The following TLK1 variants were observed in gnomAD, a reference collection of about 807,000 sequenced individuals.
TLK1 encodes the protein serine/threonine-protein kinase tousled-like 1.
In TLK1, 24 loss-of-function variants were observed where a neutral mutation model predicts 105.3. The observed-to-expected ratio is 0.23, with a 90% CI of 0.17 to 0.32. TLK1 has a LOEUF of 0.32. TLK1 is among the 10% of genes least tolerant of loss of function. TLK1 has a pLI of 1.00. For synonymous variants in TLK1, 321 were observed against 310.4 expected, an observed-to-expected ratio of 1.03 and a Z score of -0.36; for missense variants, 558 against 910.5, an observed-to-expected ratio of 0.61 and a Z score of 4.98.
chr2:171,187,253 A>G (rs1693049808), intron 1 of TLK1, among the ~76,000 whole-genome samples: 1 of 151,994 alleles, frequency 6.6e-6, no homozygotes, highest in South Asian at 2.1e-4. Context: ...GCATTTTGGC[A>G]TCCACTCCTA....
chr2:171,045,684 T>C (rs1686929445), intron 11 of TLK1: 1 of 152,320 alleles, frequency 6.6e-6, no homozygotes, highest in Non-Finnish European at 1.5e-5. Context: ...TTTTAAAAAA[T>C]GTCTTTGTCC....
chr2:171,187,778 A>C (rs1170599363), intron 1 of TLK1, among the ~76,000 whole-genome samples: 1 of 152,188 alleles, frequency 6.6e-6, no homozygotes, highest in Non-Finnish European at 1.5e-5. Flanking sequence ...ACCCTTATTT[A>C]TACTACATCT....
Position 171,160,239 on chromosome 2 carries a change from G to C in TLK1, c.139+51C>G. ...GGGCGGGGGGGGGGCGCGGGGGTCC[G>C]CGGCGCGGGAGAGGAGGCCCGCGAG... On this transcript the variant is annotated intron_variant, in intron 1 of 20. Coordinates refer to ENST00000431350, the MANE Select transcript of TLK1 (RefSeq NM_012290.5). The surrounding 1 kb of genome is among the most constrained non-coding windows in gnomAD (Gnocchi z 4.4). The C allele has an allele frequency of 7.7e-7, 1 of 1,305,928 alleles. No homozygotes were observed. Among genetic ancestry groups the C allele is most frequent in the Non-Finnish European group, 9.8e-7 (1 of 1,019,448 alleles). The allele number at this position is 1,305,928 out of a possible 1,614,324, so 80.9% of individuals were successfully genotyped here. A position where few individuals can be genotyped will look rare whatever the true frequency, so the allele number is the denominator to read the frequency against.
At chr2:171,182,563 G>C (rs748269434) in intron 1 of TLK1, among the ~76,000 whole-genome samples, 1 of 152,124 alleles carries the variant, frequency 6.6e-6, no homozygotes. Flanking sequence ...CAGGGTGGGA[G>C]ACTAGAGAGA....
intron 18 of TLK1, among the ~76,000 whole-genome samples, chr2:171,002,406 C>T (rs1684423082): frequency 6.6e-6 from 1 of 151,938 alleles, no homozygotes; most frequent in Admixed American, 6.5e-5. Context: ...CTACGAGCAG[C>T]TGGGACTACA....
intron 8 of TLK1, 132 bp downstream of exon 8, chr2:171,053,629 G>A (rs1687352585): frequency 1.6e-6 from 1 of 633,482 alleles, no homozygotes; most frequent in South Asian, 2.3e-5. Context: ...CCAAAGTGCT[G>A]GGATTACAGG....
At chr2:171,106,183 G>A (rs984390280) in intron 2 of TLK1, among the ~76,000 whole-genome samples, 2 of 152,168 alleles carry the variant, frequency 1.3e-5, no homozygotes, top group Admixed American at 1.3e-4. Flanking sequence ...ATAGAGGCAG[G>A]GAAGAGTAGG....
chr2:171,036,427 AGATT>A (rs1375854485), intron 11 of TLK1, among the ~76,000 whole-genome samples: 2 of 152,220 alleles, frequency 1.3e-5, no homozygotes, highest in Non-Finnish European at 2.9e-5. Context: ...AAGTTTAAAC[AGATT>A]GTTAGCAGGC....
chr2:171,223,123 G>A (rs1001669252), intron 1 of TLK1, among the ~76,000 whole-genome samples: 1 of 152,160 alleles, frequency 6.6e-6, no homozygotes, highest in African/African-American at 2.4e-5. Context: ...CCTAAGATAT[G>A]TCTTTGATAT....
intron 1 of TLK1, among the ~76,000 whole-genome samples, chr2:171,224,247 A>G (rs1693858985): frequency 6.6e-6 from 1 of 152,220 alleles, no homozygotes; most frequent in Admixed American, 6.5e-5. Context: ...GTAAAAAATC[A>G]GTTGGCTATA....
At chr2:171,075,711 A>T (rs1335154667) in intron 3 of TLK1, among the ~76,000 whole-genome samples, 1 of 152,190 alleles carries the variant, frequency 6.6e-6, no homozygotes, top group Non-Finnish European at 1.5e-5. Flanking sequence ...AAAGCAGATA[A>T]ATGTATCCTA....
At chr2:171,075,024 TAAAAA>T (rs75840796) in intron 3 of TLK1, among the ~76,000 whole-genome samples, 1 of 144,496 alleles carries the variant, frequency 6.9e-6, no homozygotes, top group Non-Finnish European at 1.5e-5. Flanking sequence ...AGTAAGGCAT[TAAAAA>T]AAAAAAGATT....
intron 2 of TLK1, among the ~76,000 whole-genome samples, chr2:171,109,314 C>T (rs983147455): frequency 1.3e-5 from 2 of 152,104 alleles, no homozygotes; most frequent in African/African-American, 4.8e-5. Context: ...AAAAAGATAG[C>T]TCAAAATATC....
At chr2:171,173,038 A>T (rs1271549830) in intron 1 of TLK1, among the ~76,000 whole-genome samples, 1 of 152,194 alleles carries the variant, frequency 6.6e-6, no homozygotes, top group Non-Finnish European at 1.5e-5. Flanking sequence ...AAATATGGGG[A>T]AATACTATGA....
intron 1 of TLK1, among the ~76,000 whole-genome samples, chr2:171,217,403 C>A (rs553626768): frequency 6.6e-6 from 1 of 152,214 alleles, no homozygotes; most frequent in African/African-American, 2.4e-5. Flanking sequence ...GAAAAATGAC[C>A]ATTTTGAGAA....
At chr2:171,195,355 T>C (rs757231504) in intron 1 of TLK1, among the ~76,000 whole-genome samples, 3 of 151,904 alleles carry the variant, frequency 2.0e-5, no homozygotes, top group Non-Finnish European at 4.4e-5. Context: ...TACAAAAAAT[T>C]AGCCGGGCAT....
chr2:171,006,684 C>A lies in TLK1; in HGVS notation c.1599-41G>T, dbSNP rs575965134. 6.1e-4 allele frequency: 973 copies of A among 1,607,194 alleles called. 12 individuals carry two copies. In the South Asian group the frequency reaches 0.01, roughly 17 times the overall value. On this transcript the variant is annotated intron_variant, in intron 16 of 20. Transcript: ENST00000431350. ...GAAAAAAATTAGACATAAGTAATAT[C>A]CAAGAATTCAGAATCACAATGGGGA...
At chr2:171,209,145 G>A (rs13386373) in intron 1 of TLK1, among the ~76,000 whole-genome samples, 2 of 152,162 alleles carry the variant, frequency 1.3e-5, no homozygotes, top group Non-Finnish European at 2.9e-5. Flanking sequence ...CGTAAATAGT[G>A]TGTTCCCTTT....
intron 1 of TLK1, among the ~76,000 whole-genome samples, chr2:171,176,617 A>G (rs931744502): frequency 1.3e-5 from 2 of 152,008 alleles, no homozygotes; most frequent in Non-Finnish European, 2.9e-5. Context: ...TAATATTACC[A>G]TTGCTCCTTT....
Sources: gnomAD v4.1 joint callset for allele counts (sites outside exome capture counted in the v4.1 genomes callset) on GRCh38, gnomAD v4.1.1 for gene constraint, Gnocchi (gnomAD v3.1) non-coding constraint, MANE v1.5 for transcripts, NCBI Gene and HGNC (gene_info 2026-07-23, HGNC 2026-07-21) for gene names.